DEUP1: variants seen among roughly 807,000 people sequenced by gnomAD.
The protein encoded by DEUP1 is deuterosome assembly protein 1, also known as coiled-coil domain containing 67.
In DEUP1, 82 loss-of-function variants were observed where a neutral mutation model predicts 87.4. The ratio of observed to expected loss-of-function variants is 0.94; its 90% CI spans 0.78 to 1.13. The LOEUF is 1.13. DEUP1 is among the 50% of genes most tolerant of loss of function. The probability of loss-of-function intolerance (pLI) is 0.00; values close to 1 mark genes in which losing one functional copy is unlikely to be tolerated. For synonymous variants in DEUP1, 214 were observed against 222.7 expected, an observed-to-expected ratio of 0.96 and a Z score of 0.35; for missense variants, 663 against 681.5, an observed-to-expected ratio of 0.97 and a Z score of 0.30.
intron 13 of DEUP1, among the ~76,000 whole-genome samples, chr11:93,430,568 T>C (rs1489527385): frequency 6.6e-6 from 1 of 152,104 alleles, no homozygotes; most frequent in Admixed American, 6.6e-5. Flanking sequence ...AGATTGGTGG[T>C]TACCAGGGGC....
chr11:93,338,404 CTTT>C (rs532505177), intron 2 of DEUP1, among the ~76,000 whole-genome samples: 3 of 139,570 alleles, frequency 2.1e-5, no homozygotes, highest in Non-Finnish European at 3.1e-5. Context: ...ATGCAGTCAA[CTTT>C]TTTTTTTTTT....
At chr11:93,395,456 G>A (rs745335738) in intron 10 of DEUP1, among the ~76,000 whole-genome samples, 1 of 152,138 alleles carries the variant, frequency 6.6e-6, no homozygotes, top group African/African-American at 2.4e-5. Context: ...GCCTTAAACC[G>A]TGATTTATTG....
At chr11:93,405,233 T>C in intron 11 of DEUP1, among the ~76,000 whole-genome samples, 1 of 151,982 alleles carries the variant, frequency 6.6e-6, no homozygotes, top group East Asian at 1.9e-4. Flanking sequence ...TATGGTTATT[T>C]TTCCTTATGG....
intron 13 of DEUP1, among the ~76,000 whole-genome samples, chr11:93,420,599 A>G (rs879351570): frequency 0.012 from 1,798 of 145,966 alleles, 10 homozygotes; most frequent in South Asian, 0.075. Flanking sequence ...AGGGTATTCA[A>G]TTAGGAAAAG....
chr11:93,365,458 C>T (rs994805988), intron 5 of DEUP1, among the ~76,000 whole-genome samples: 8 of 151,980 alleles, frequency 5.3e-5, no homozygotes, highest in Non-Finnish European at 7.4e-5. Context: ...TGGAAGATGC[C>T]GATAGATGTG....
intron 4 of DEUP1, among the ~76,000 whole-genome samples, chr11:93,362,564 G>T (rs1445885898): frequency 6.6e-6 from 1 of 151,828 alleles, no homozygotes; most frequent in African/African-American, 2.4e-5. Flanking sequence ...GTGTTGGAGA[G>T]GATATGGAGA....
Position 93,389,124 on chromosome 11 carries a change from AG to A in DEUP1, c.1041+1del. On this transcript the variant is annotated frameshift_variant and splice_region_variant, in exon 9 of 14. Coordinates refer to ENST00000298050, the MANE Select transcript of DEUP1 (RefSeq NM_181645.4). LOFTEE classifies it high-confidence loss of function. ...DQPNHEKELN[K>X]IRSQLQQVEE... ...CCAAATCATGAAAAAGAATTGAACA[AG>A]GTATGAAAAATAATGAGCTCCATTC... 1 of 1,550,414 alleles carries A rather than the reference AG, an allele frequency of 6.4e-7. No individual in the cohort carries two copies. Among genetic ancestry groups the A allele is most frequent in the Non-Finnish European group, 8.8e-7 (1 of 1,133,804 alleles).
At chr11:93,347,716 C>G (rs952240990) in intron 2 of DEUP1, among the ~76,000 whole-genome samples, 2 of 151,856 alleles carry the variant, frequency 1.3e-5, no homozygotes, top group Non-Finnish European at 2.9e-5. Flanking sequence ...TTCAGAGATT[C>G]AGTTTTTTGG....
intron 3 of DEUP1, 79 bp from the exon 4 acceptor site, chr11:93,356,869 G>A (rs536126110): frequency 3.5e-6 from 3 of 849,530 alleles, no homozygotes; most frequent in African/African-American, 3.4e-5. Flanking sequence ...TATTTGAATT[G>A]TTCTTCTCTT....
chr11:93,340,891 G>C (rs79381262), intron 2 of DEUP1, among the ~76,000 whole-genome samples: 1 of 152,178 alleles, frequency 6.6e-6, no homozygotes, highest in Non-Finnish European at 1.5e-5. Context: ...GACGTTTGTC[G>C]TATGTCCAAG....
At chr11:93,369,518 T>C (rs963409255) in intron 5 of DEUP1, among the ~76,000 whole-genome samples, 3 of 152,222 alleles carry the variant, frequency 2.0e-5, no homozygotes, top group African/African-American at 7.2e-5. Flanking sequence ...GACAGACTTT[T>C]TACATTTTTA....
intron 2 of DEUP1, among the ~76,000 whole-genome samples, chr11:93,335,034 A>G (rs2134877066): frequency 6.6e-6 from 1 of 152,172 alleles, no homozygotes; most frequent in Middle Eastern, 3.4e-3. Context: ...GGATTTCATG[A>G]TTTCTTTAAA....
intron 2 of DEUP1, among the ~76,000 whole-genome samples, chr11:93,354,312 T>C (rs1944777153): frequency 6.6e-6 from 1 of 152,204 alleles, no homozygotes; most frequent in South Asian, 2.1e-4. Flanking sequence ...CTGGACCTTA[T>C]TGTTCATATC....
chr11:93,396,660 GA>G, intron 11 of DEUP1, among the ~76,000 whole-genome samples: 1 of 152,142 alleles, frequency 6.6e-6, no homozygotes, highest in East Asian at 1.9e-4. Flanking sequence ...TCCCCTCAAC[GA>G]AGCCACCCCT....
intron 2 of DEUP1, among the ~76,000 whole-genome samples, chr11:93,336,710 G>T (rs948959137): frequency 6.6e-6 from 1 of 152,156 alleles, no homozygotes; most frequent in African/African-American, 2.4e-5. Context: ...CTTCTCCAGA[G>T]AATATGCCTG....
At chr11:93,401,235 CA>C (rs1947107909) in intron 11 of DEUP1, among the ~76,000 whole-genome samples, 1 of 151,586 alleles carries the variant, frequency 6.6e-6, no homozygotes, top group Non-Finnish European at 1.5e-5. Flanking sequence ...TCAATTTAAC[CA>C]AAGAAGTGAA....
intron 2 of DEUP1, among the ~76,000 whole-genome samples, chr11:93,347,420 GTATTT>G (rs1315058447): frequency 6.6e-6 from 1 of 152,174 alleles, no homozygotes; most frequent in East Asian, 1.9e-4. Flanking sequence ...CCATTTGCCA[GTATTT>G]TGTTGAGGAT....
At chr11:93,336,783 A>G (rs535963643) in intron 2 of DEUP1, among the ~76,000 whole-genome samples, 12 of 152,218 alleles carry the variant, frequency 7.9e-5, no homozygotes, top group Admixed American at 2.6e-4. Flanking sequence ...TCCTGTTTTC[A>G]GGCTGACACT....
At chr11:93,356,511 T>G (rs1465463511) in intron 3 of DEUP1, among the ~76,000 whole-genome samples, 2 of 152,210 alleles carry the variant, frequency 1.3e-5, no homozygotes, top group African/African-American at 4.8e-5. Context: ...GACAATTTTC[T>G]TTTTCTTTTT....
Sources: gnomAD v4.1 joint callset for allele counts (sites outside exome capture counted in the v4.1 genomes callset) on GRCh38, gnomAD v4.1.1 for gene constraint, MANE v1.5 for transcripts, NCBI Gene and HGNC (gene_info 2026-07-23, HGNC 2026-07-21) for gene names.